The following TAAR5 variants were observed in gnomAD, a reference collection of about 807,000 sequenced individuals.
TAAR5 encodes trace amine associated receptor 5.
TAAR5 carries 27 observed loss-of-function variants against 21.1 expected under a neutral mutation model. The ratio of observed to expected loss-of-function variants is 1.28; its 90% CI spans 0.94 to 1.76. TAAR5 has a LOEUF of 1.76. Ranked by LOEUF, TAAR5 falls within the 40% of genes most tolerant of loss-of-function variation. TAAR5 has a pLI of 0.00. For missense variants in TAAR5, 495 were observed against 405.6 expected (o/e 1.22, Z -1.89); for synonymous variants, 203 against 167.5 (o/e 1.21, Z -1.64).
the TAAR5 span, among the ~76,000 whole-genome samples, chr6:132,610,498 G>A: frequency 6.6e-6 from 1 of 152,082 alleles, no homozygotes; most frequent in East Asian, 1.9e-4. Context: ...CCAAGAAAGA[G>A]CAAAAACTGG....
At position 132,588,769 on chromosome 6, in the gene TAAR5, G is replaced by A. The variant is rs35993803; in HGVS notation, c.918C>T (p.Val306=). The change falls in exon 1 of 1, where the codon GTC becomes GTT. Residue 306 remains valine (V), a synonymous_variant. Transcript: ENST00000258034. ...CCTTCCGAAACCACTGGTAGGAAAA[G>A]ACATAGATGATGGGGTTGCAGGCTG... is the stretch of plus-strand genomic sequence containing the variant. ...FNSACNPIIY[V]FSYQWFRKAL... 1.0e-3 allele frequency: 1,653 copies of A among 1,614,070 alleles called. 19 individuals are homozygous for A. The African/African-American group carries it at 0.019, about 19-fold the overall frequency.
At chr6:132,596,749 A>G in the TAAR5 span, among the ~76,000 whole-genome samples, 4 of 152,184 alleles carry the variant, frequency 2.6e-5, no homozygotes, top group Non-Finnish European at 5.9e-5. Context: ...AAGAACAAAG[A>G]TGTGTTCAGC....
At chr6:132,601,832 A>G in the TAAR5 span, among the ~76,000 whole-genome samples, 1 of 152,232 alleles carries the variant, frequency 6.6e-6, no homozygotes, top group Non-Finnish European at 1.5e-5. Flanking sequence ...GTGTGGGAGC[A>G]ATATGTACAT....
the TAAR5 span, among the ~76,000 whole-genome samples, chr6:132,602,835 A>C: frequency 7.1e-6 from 1 of 141,550 alleles, no homozygotes; most frequent in African/African-American, 2.7e-5. Flanking sequence ...AGAAAGGATT[A>C]GGGCTATGGA....
the TAAR5 span, among the ~76,000 whole-genome samples, chr6:132,609,499 T>C: frequency 2.0e-5 from 3 of 152,212 alleles, no homozygotes; most frequent in Non-Finnish European, 1.5e-5. Flanking sequence ...TTTTCAGCTG[T>C]GTATTCTTTT....
upstream of TAAR5, among the ~76,000 whole-genome samples, chr6:132,593,353 T>C (rs894081489): frequency 2.0e-4 from 31 of 152,262 alleles, no homozygotes; most frequent in Admixed American, 1.6e-3. Context: ...GAGTTTTATT[T>C]ATCTCTGAAC....
At chr6:132,597,418 A>G in the TAAR5 span, among the ~76,000 whole-genome samples, 1 of 152,198 alleles carries the variant, frequency 6.6e-6, no homozygotes, top group Non-Finnish European at 1.5e-5. Flanking sequence ...AAGTAACCAC[A>G]TGAAAATATG....
chr6:132,614,609 T>C, the TAAR5 span, among the ~76,000 whole-genome samples: 1 of 152,216 alleles, frequency 6.6e-6, no homozygotes, highest in African/African-American at 2.4e-5. Context: ...TGTGAATCAA[T>C]GACCGTCCTC....
upstream of TAAR5, among the ~76,000 whole-genome samples, chr6:132,592,289 C>T (rs1024769681): frequency 1.1e-4 from 17 of 152,198 alleles, no homozygotes; most frequent in African/African-American, 3.4e-4. Context: ...TTAACAAAAT[C>T]GATTATAATG....
At chr6:132,589,807 G>A (rs1352787076), upstream of TAAR5, 2 of 795,604 alleles carry the variant, frequency 2.5e-6, no homozygotes, top group South Asian at 2.3e-5. Flanking sequence ...AGAGTGAAAC[G>A]AAGAGGAAGA....
chr6:132,596,946 C>A, the TAAR5 span, among the ~76,000 whole-genome samples: 16 of 152,072 alleles, frequency 1.1e-4, no homozygotes, highest in Admixed American at 6.6e-4. Context: ...TTCCTCAATT[C>A]TTTTTAAATT....
chr6:132,596,812 TAGTC>T, the TAAR5 span, among the ~76,000 whole-genome samples: 1 of 152,190 alleles, frequency 6.6e-6, no homozygotes, highest in African/African-American at 2.4e-5. Flanking sequence ...AATTGTTTAC[TAGTC>T]AGTTTGGTTC....
At chr6:132,595,140 C>T in the TAAR5 span, 4 of 152,828 alleles carry the variant, frequency 2.6e-5, no homozygotes, top group South Asian at 8.3e-4. Flanking sequence ...CTCCAAAATA[C>T]CAGCAGGACT....
At chr6:132,607,016 C>T in the TAAR5 span, among the ~76,000 whole-genome samples, 8 of 151,864 alleles carry the variant, frequency 5.3e-5, no homozygotes, top group East Asian at 3.9e-4. Context: ...GACAACATGA[C>T]GAAACCCTGT....
At chr6:132,615,747 A>T in the TAAR5 span, among the ~76,000 whole-genome samples, 1 of 152,022 alleles carries the variant, frequency 6.6e-6, no homozygotes, top group Non-Finnish European at 1.5e-5. Flanking sequence ...GTACTGACAG[A>T]TTTACTTTCA....
At chr6:132,606,626 C>T in the TAAR5 span, among the ~76,000 whole-genome samples, 50 of 152,214 alleles carry the variant, frequency 3.3e-4, 1 homozygote, top group African/African-American at 1.0e-3. Context: ...TATTTTACTG[C>T]TATCAATTAC....
At chr6:132,593,862 A>G (rs1776939864), upstream of TAAR5, among the ~76,000 whole-genome samples, 1 of 152,220 alleles carries the variant, frequency 6.6e-6, no homozygotes, top group Non-Finnish European at 1.5e-5. Context: ...GTTTCAGCCA[A>G]AATCATTACA....
the TAAR5 span, among the ~76,000 whole-genome samples, chr6:132,599,546 C>T: frequency 1.3e-5 from 2 of 151,966 alleles, no homozygotes; most frequent in Non-Finnish European, 2.9e-5. Flanking sequence ...CCAGGCTGGT[C>T]TCGAACTCCT....
At chr6:132,593,714 TACATA>T (rs1776938338), upstream of TAAR5, among the ~76,000 whole-genome samples, 1 of 152,198 alleles carries the variant, frequency 6.6e-6, no homozygotes, top group Non-Finnish European at 1.5e-5. Flanking sequence ...ACAGGCTGCA[TACATA>T]CATGGATCTA....
Sources: allele counts gnomAD v4.1 joint callset (sites outside exome capture counted in the v4.1 genomes callset), GRCh38; gene constraint gnomAD v4.1.1; transcripts MANE v1.5; gene names NCBI Gene and HGNC (gene_info 2026-07-23, HGNC 2026-07-21).